Variants in TRIM44 observed in about 807,000 individuals in gnomAD.
TRIM44 encodes tripartite motif containing 44.
TRIM44 carries 13 observed loss-of-function variants against 37.4 expected under a neutral mutation model. That is an observed-to-expected ratio of 0.35 (90% CI 0.23 to 0.55). The LOEUF is 0.55. Ranked by LOEUF, TRIM44 falls within the 20% of genes least tolerant of loss-of-function variation. The pLI is 0.89. For synonymous variants in TRIM44, 175 were observed against 157.2 expected (o/e 1.11, Z -0.85); for missense variants, 426 against 437.2 (o/e 0.97, Z 0.23).
At position 35,808,567 on chromosome 11, in the gene TRIM44, A is replaced by G. The variant is rs1853486001; in HGVS notation, c.*2182A>G. The G allele has an allele frequency of 6.6e-6, 1 of 152,194 alleles. No homozygotes were observed. The highest frequency in any genetic ancestry group is 2.4e-5 in the African/African-American group (1 of 41,464). The allele number at this position is 152,194 out of a possible 1,614,324, so 9.4% of individuals were successfully genotyped here. A position where few individuals can be genotyped will look rare whatever the true frequency, so the allele number is the denominator to read the frequency against. ...CAGTATTTGGGAAATTCAAGCATTT[A>G]TGCAGTGGATATAAATGGAAATATA... On this transcript the variant is annotated 3_prime_UTR_variant, in exon 5 of 5. Transcript: ENST00000299413.
intron 4 of TRIM44, among the ~76,000 whole-genome samples, chr11:35,776,256 T>C (rs1402758572): frequency 6.6e-6 from 1 of 152,228 alleles, no homozygotes; most frequent in African/African-American, 2.4e-5. Flanking sequence ...TGGAGTTGTT[T>C]ATAGTATTCT....
At chr11:35,668,221 T>C (rs753097967) in intron 1 of TRIM44, among the ~76,000 whole-genome samples, 80 of 152,250 alleles carry the variant, frequency 5.3e-4, no homozygotes, top group Non-Finnish European at 8.1e-4. Context: ...TTCAAACTTT[T>C]AAGTTCTGGG....
chr11:35,812,375 T>C lies in TRIM44; in HGVS notation c.*5990T>C, dbSNP rs1179958504. ...AGTCAGTAACAGACTGCACTAAGTG[T>C]CTGTGCTTGTTAACTATTGTAATCT... On this transcript the variant is annotated 3_prime_UTR_variant, in exon 5 of 5. Coordinates refer to ENST00000299413, the MANE Select transcript of TRIM44 (RefSeq NM_017583.6). 1 of 152,202 alleles carries C rather than the reference T, an allele frequency of 6.6e-6. No homozygotes were observed. The highest frequency in any genetic ancestry group is 1.5e-5 in the Non-Finnish European group (1 of 68,036). The allele number at this position is 152,202 out of a possible 1,614,324, so 9.4% of individuals were successfully genotyped here.
chr11:35,739,624 T>C (rs1852365705), intron 4 of TRIM44, among the ~76,000 whole-genome samples: 1 of 152,222 alleles, frequency 6.6e-6, no homozygotes, highest in East Asian at 1.9e-4. Flanking sequence ...CACAGTATCC[T>C]CTGAGGGTTA....
intron 4 of TRIM44, among the ~76,000 whole-genome samples, chr11:35,747,150 T>C (rs1358628916): frequency 6.6e-6 from 1 of 152,196 alleles, no homozygotes; most frequent in Non-Finnish European, 1.5e-5. Context: ...CAGGTATTAT[T>C]GTCTCTCATA....
chr11:35,673,240 A>G (rs1383837233), intron 1 of TRIM44, among the ~76,000 whole-genome samples: 1 of 152,192 alleles, frequency 6.6e-6, no homozygotes. Context: ...GTGTTATAGA[A>G]GGCATCTCTG....
At chr11:35,669,862 G>A (rs1369021116) in intron 1 of TRIM44, among the ~76,000 whole-genome samples, 1 of 151,852 alleles carries the variant, frequency 6.6e-6, no homozygotes, top group Non-Finnish European at 1.5e-5. Context: ...TCATTCTGTT[G>A]CCCAGGATGG....
At chr11:35,694,406 G>A (rs1171018723) in intron 2 of TRIM44, among the ~76,000 whole-genome samples, 1 of 152,068 alleles carries the variant, frequency 6.6e-6, no homozygotes, top group Non-Finnish European at 1.5e-5. Flanking sequence ...ATGAGGCAAC[G>A]TATGTACCAT....
At chr11:35,774,924 TG>T (rs1852933640) in intron 4 of TRIM44, among the ~76,000 whole-genome samples, 1 of 152,224 alleles carries the variant, frequency 6.6e-6, no homozygotes, top group Admixed American at 6.5e-5. Flanking sequence ...TTCGTTCTTT[TG>T]GCTTAGGATT....
chr11:35,686,231 TCTC>T (rs1400883881), intron 2 of TRIM44, among the ~76,000 whole-genome samples: 1 of 152,062 alleles, frequency 6.6e-6, no homozygotes, highest in East Asian at 1.9e-4. Flanking sequence ...CAGACTTCCT[TCTC>T]CTTCCTACCC....
intron 2 of TRIM44, among the ~76,000 whole-genome samples, chr11:35,689,320 A>G (rs950222764): frequency 3.3e-5 from 5 of 152,180 alleles, no homozygotes; most frequent in Non-Finnish European, 7.3e-5. Flanking sequence ...GACCGAATGA[A>G]GTTTTGTGCA....
At chr11:35,728,961 A>G (rs1245301858) in intron 3 of TRIM44, among the ~76,000 whole-genome samples, 1 of 152,076 alleles carries the variant, frequency 6.6e-6, no homozygotes, top group East Asian at 1.9e-4. Flanking sequence ...ATTCTATTTT[A>G]CTCCTTTCAC....
At chr11:35,778,278 AG>A (rs1242378361) in intron 4 of TRIM44, among the ~76,000 whole-genome samples, 1 of 152,132 alleles carries the variant, frequency 6.6e-6, no homozygotes, top group Non-Finnish European at 1.5e-5. Context: ...TTTGTCACGT[AG>A]TTTTCGTGCC....
At chr11:35,695,023 C>A (rs1851679328) in intron 2 of TRIM44, among the ~76,000 whole-genome samples, 1 of 152,066 alleles carries the variant, frequency 6.6e-6, no homozygotes, top group Non-Finnish European at 1.5e-5. Flanking sequence ...TGAATGAAAT[C>A]TTTTTATAAA....
chr11:35,685,362 G>A, intron 2 of TRIM44, 26 bp downstream of exon 2: 2 of 1,596,018 alleles, frequency 1.3e-6, no homozygotes, highest in South Asian at 2.2e-5. Context: ...AATTGATTGG[G>A]TGTTGGTACC....
intron 1 of TRIM44, among the ~76,000 whole-genome samples, chr11:35,674,957 G>A (rs985505650): frequency 6.6e-6 from 1 of 152,180 alleles, no homozygotes; most frequent in Admixed American, 6.5e-5. Flanking sequence ...AAGATGGGTA[G>A]GGTGTTACTA....
intron 2 of TRIM44, among the ~76,000 whole-genome samples, chr11:35,699,354 C>T (rs1245249858): frequency 1.3e-5 from 2 of 152,202 alleles, no homozygotes; most frequent in African/African-American, 4.8e-5. Context: ...ACAAAAATTA[C>T]ATGATTATCT....
chr11:35,809,167 A>G lies in TRIM44; in HGVS notation c.*2782A>G, dbSNP rs2133888015. The stretch of plus-strand genomic sequence containing the variant: ...GCTCTGACAGCCCAAGAAGGGAAAT[A>G]ACTTGTATTAAGGAACAACTATGAG... On this transcript the variant is annotated 3_prime_UTR_variant, in exon 5 of 5. Coordinates refer to ENST00000299413, the MANE Select transcript of TRIM44 (RefSeq NM_017583.6). 6.6e-6 allele frequency: 1 copy of G among 152,364 alleles called. No individual in the cohort carries two copies. Among genetic ancestry groups the G allele is most frequent in the Middle Eastern group, 3.4e-3 (1 of 294 alleles). The allele number at this position is 152,364 out of a possible 1,614,324, so 9.4% of individuals were successfully genotyped here.
intron 4 of TRIM44, among the ~76,000 whole-genome samples, chr11:35,778,192 TC>T (rs1455390322): frequency 6.6e-6 from 1 of 152,222 alleles, no homozygotes; most frequent in Non-Finnish European, 1.5e-5. Flanking sequence ...TCTTCTGGCT[TC>T]ATTTCATTCA....
Sources: gnomAD v4.1 joint callset for allele counts (sites outside exome capture counted in the v4.1 genomes callset) on GRCh38, gnomAD v4.1.1 for gene constraint, MANE v1.5 for transcripts, NCBI Gene and HGNC (gene_info 2026-07-23, HGNC 2026-07-21) for gene names.